The following KCNJ6 variants were observed in gnomAD, a reference collection of about 807,000 sequenced individuals.
KCNJ6 encodes the protein potassium inwardly rectifying channel subfamily J member 6.
In KCNJ6, 9 loss-of-function variants were observed where a neutral mutation model predicts 34.2. The ratio of observed to expected loss-of-function variants is 0.26; its 90% CI spans 0.16 to 0.46. KCNJ6 has a LOEUF of 0.46. Among genes scored for constraint, KCNJ6 ranks in the 20% least tolerant of loss-of-function variants. The pLI, the probability that KCNJ6 is intolerant of heterozygous loss-of-function variation, is 1.00. For synonymous variants in KCNJ6, 196 were observed against 207.1 expected (o/e 0.95, Z 0.46); for missense variants, 236 against 531.3 (o/e 0.44, Z 5.46).
chr21:37,656,689 G>C (rs2054465804), intron 3 of KCNJ6, among the ~76,000 whole-genome samples: 1 of 152,192 alleles, frequency 6.6e-6, no homozygotes, highest in African/African-American at 2.4e-5. Context: ...CTGGACGGTG[G>C]CTGGAGATCA....
At chr21:37,843,242 G>A (rs2055489996) in intron 1 of KCNJ6, among the ~76,000 whole-genome samples, 1 of 152,082 alleles carries the variant, frequency 6.6e-6, no homozygotes, top group South Asian at 2.1e-4. Context: ...AGCTATTTTT[G>A]TTCAGATGTG....
chr21:37,844,476 C>A lies in KCNJ6; in HGVS notation c.-27-3767G>T, dbSNP rs115206382. ...CCTGAAGGTTTATCATGAAATAGCT[C>A]TGGGGGATCTATCTAAAACCTGACA... is the stretch of plus-strand genomic sequence containing the variant. On this transcript the variant is annotated intron_variant, in intron 1 of 3. Transcript: ENST00000609713. Among the ~76,000 whole-genome samples, 309 of 152,172 alleles carry A rather than the reference C, an allele frequency of 2.0e-3. 2 individuals carry two copies. The highest frequency in any genetic ancestry group is 7.2e-3 in the African/African-American group (297 of 41,530).
chr21:37,896,396 G>A (rs897243417), intron 1 of KCNJ6, among the ~76,000 whole-genome samples: 2 of 152,168 alleles, frequency 1.3e-5, no homozygotes, highest in South Asian at 4.1e-4. Flanking sequence ...GGTGCCAGAA[G>A]CCACCTGTCT....
chr21:37,722,321 C>A (rs935511641), intron 2 of KCNJ6, among the ~76,000 whole-genome samples: 1 of 152,164 alleles, frequency 6.6e-6, no homozygotes, highest in Non-Finnish European at 1.5e-5. Flanking sequence ...ACATCCCATG[C>A]TCATGGACTG....
At chr21:37,898,502 A>G (rs902437377) in intron 1 of KCNJ6, among the ~76,000 whole-genome samples, 10 of 152,050 alleles carry the variant, frequency 6.6e-5, no homozygotes, top group Non-Finnish European at 1.5e-4. Flanking sequence ...GAATAGCTAG[A>G]ACCCAGGAGG....
intron 2 of KCNJ6, among the ~76,000 whole-genome samples, chr21:37,826,043 C>T (rs1019747275): frequency 1.1e-4 from 17 of 152,092 alleles, no homozygotes; most frequent in Non-Finnish European, 2.4e-4. Flanking sequence ...CCACTGCACC[C>T]CTAACTTGCA....
At position 37,622,583 on chromosome 21, in the gene KCNJ6, G is replaced by C. The variant is rs905364290; in HGVS notation, c.*2576C>G. Reference sequence around the variant, plus strand: ...TCAGAGGCTCACATTACAAAAACGAGATTTGGTTCAAGTTCTGTCTCCAAC... The same window carrying C: ...TCAGAGGCTCACATTACAAAAACGACATTTGGTTCAAGTTCTGTCTCCAAC... On this transcript the variant is annotated 3_prime_UTR_variant, in exon 4 of 4. Coordinates refer to ENST00000609713, the MANE Select transcript of KCNJ6 (RefSeq NM_002240.5). 2.6e-5 allele frequency: 4 copies of C among 152,194 alleles called. No individual in the cohort carries two copies. Among genetic ancestry groups the C allele is most frequent in the Non-Finnish European group, 4.4e-5 (3 of 68,036 alleles). 9.4% of individuals were successfully genotyped at this position (152,194 alleles called of 1,614,324 possible).
At chr21:37,677,983 C>G (rs932184131) in intron 3 of KCNJ6, among the ~76,000 whole-genome samples, 1 of 151,836 alleles carries the variant, frequency 6.6e-6, no homozygotes, top group Admixed American at 6.6e-5. Flanking sequence ...TTGCCTAGCC[C>G]TACAAAAGTT....
At chr21:37,858,392 CA>C (rs60814205) in intron 1 of KCNJ6, among the ~76,000 whole-genome samples, 14,854 of 53,132 alleles carry the variant, frequency 0.28, 189 homozygotes, top group African/African-American at 0.37. Flanking sequence ...GACTCCGTCT[CA>C]AAAAAAAAAA....
chr21:37,693,683 G>A (rs1295146327), intron 3 of KCNJ6, among the ~76,000 whole-genome samples: 2 of 152,194 alleles, frequency 1.3e-5, no homozygotes, highest in Non-Finnish European at 2.9e-5. Flanking sequence ...ACTATTGGAT[G>A]AGCTAGAACA....
intron 3 of KCNJ6, among the ~76,000 whole-genome samples, chr21:37,646,486 A>G (rs528761303): frequency 6.6e-6 from 1 of 152,252 alleles, no homozygotes; most frequent in East Asian, 1.9e-4. Flanking sequence ...GAGCTGAGTA[A>G]CAGCACTGTG....
At chr21:37,702,188 G>A (rs868456015) in intron 3 of KCNJ6, among the ~76,000 whole-genome samples, 1 of 130,078 alleles carries the variant, frequency 7.7e-6, no homozygotes, top group African/African-American at 2.9e-5. Flanking sequence ...AGCTGAGATC[G>A]TACCACTGCA....
intron 1 of KCNJ6, among the ~76,000 whole-genome samples, chr21:37,880,500 T>C (rs1297696341): frequency 2.6e-5 from 4 of 152,114 alleles, no homozygotes; most frequent in African/African-American, 9.7e-5. Context: ...CTCTGTAAGA[T>C]CCCCAAACAA....
rs753569226 is a variant in KCNJ6, at chr21:37,607,482, A to ATTTTTTT, written c.*17670_*17676dup. The ATTTTTTT allele has an allele frequency of 1.5e-5, 2 of 136,754 alleles. No individual in the cohort carries two copies. Among genetic ancestry groups the ATTTTTTT allele is most frequent in the South Asian group, 2.4e-4 (1 of 4,178 alleles). The allele number at this position is 136,754 out of a possible 1,614,324, so 8.5% of individuals were successfully genotyped here. Reference sequence around the variant, plus strand: ...CTTAAAGATATATATATATATATATATTTTTTTTTTATTTTAAAAAAATTT... The same window carrying ATTTTTTT: ...CTTAAAGATATATATATATATATATATTTTTTTTTTTTTTTTTATTTTAAAAAAATTT... On this transcript the variant is annotated 3_prime_UTR_variant, in exon 4 of 4. Transcript: ENST00000609713.
intron 3 of KCNJ6, among the ~76,000 whole-genome samples, chr21:37,682,300 A>T (rs1709808): frequency 2.0e-5 from 3 of 152,116 alleles, no homozygotes; most frequent in South Asian, 2.1e-4. Flanking sequence ...CTCAGGGAGT[A>T]GTGTTAGCAC....
At chr21:37,856,074 G>A (rs2055563830) in intron 1 of KCNJ6, among the ~76,000 whole-genome samples, 1 of 152,184 alleles carries the variant, frequency 6.6e-6, no homozygotes, top group East Asian at 1.9e-4. Context: ...AGGGCAGATG[G>A]TGCTTGCATT....
At chr21:37,692,726 G>A (rs2054645465) in intron 3 of KCNJ6, among the ~76,000 whole-genome samples, 1 of 152,154 alleles carries the variant, frequency 6.6e-6, no homozygotes, top group Non-Finnish European at 1.5e-5. Flanking sequence ...ATAGAATATT[G>A]ACAATGTGAC....
intron 2 of KCNJ6, among the ~76,000 whole-genome samples, chr21:37,745,071 GGTTTTTTTTTTTTTTTTTTTTTTT>G (rs1480876585): frequency 8.5e-6 from 1 of 118,052 alleles, no homozygotes; most frequent in Admixed American, 1.1e-4. Flanking sequence ...CAACGTTGCT[GGTTTTTTTTTTTTTTTTTTTTTTT>G]TTTTTTTTTT....
chr21:37,667,004 C>G (rs991863952), intron 3 of KCNJ6, among the ~76,000 whole-genome samples: 5 of 151,464 alleles, frequency 3.3e-5, no homozygotes, highest in Non-Finnish European at 7.4e-5. Context: ...CCCAGGGACA[C>G]AAACACTGTG....
Sources: gnomAD v4.1 joint callset for allele counts (sites outside exome capture counted in the v4.1 genomes callset) on GRCh38, gnomAD v4.1.1 for gene constraint, MANE v1.5 for transcripts, NCBI Gene and HGNC (gene_info 2026-07-23, HGNC 2026-07-21) for gene names.